The following MCF2L2 variants were observed in gnomAD, a reference collection of about 807,000 sequenced individuals.
The protein encoded by MCF2L2 is MCF.2 cell line derived transforming sequence-like 2.
MCF2L2 carries 102 observed loss-of-function variants against 150.2 expected under a neutral mutation model. That is an observed-to-expected ratio of 0.68 (90% CI 0.58 to 0.80). The LOEUF (loss-of-function observed/expected upper bound fraction) is 0.80, where lower values mean the gene tolerates loss of function less well. Among genes scored for constraint, MCF2L2 ranks in the 30% least tolerant of loss-of-function variants. MCF2L2 has a pLI of 0.00. For missense variants in MCF2L2, 1,256 were observed against 1,372.8 expected, an observed-to-expected ratio of 0.91 and a Z score of 1.34; for synonymous variants, 465 against 491.3, an observed-to-expected ratio of 0.95 and a Z score of 0.71.
Position 183,181,349 on chromosome 3 carries a change from T to C in MCF2L2, c.3017-1190A>G, listed in dbSNP as rs1721513172. On this transcript the variant is annotated intron_variant, in intron 27 of 29. Coordinates refer to ENST00000328913, the MANE Select transcript of MCF2L2 (RefSeq NM_015078.4). The surrounding 1 kb of genome is among the most constrained non-coding windows in gnomAD (Gnocchi z 4.3). ...GGGGGGCAGCTGGGCAGCACCTCCC[T>C]GGAGGCCCCTCTGAAATCCTGCCTG... 6.6e-6 allele frequency among the ~76,000 whole-genome samples: 1 copy of C among 152,010 alleles called. No individual in the cohort carries two copies. Among genetic ancestry groups the C allele is most frequent in the Non-Finnish European group, 1.5e-5 (1 of 67,986 alleles).
Position 183,379,424 on chromosome 3 carries a change from C to T in MCF2L2, c.161-13G>A, listed in dbSNP as rs2108587072. 1 of 1,593,222 alleles carries T rather than the reference C, an allele frequency of 6.3e-7. No individual in the cohort carries two copies. Among genetic ancestry groups the T allele is most frequent in the Non-Finnish European group, 8.6e-7 (1 of 1,164,032 alleles). On this transcript the variant is annotated splice_polypyrimidine_tract_variant and intron_variant, in intron 2 of 29. Coordinates refer to ENST00000328913, the MANE Select transcript of MCF2L2 (RefSeq NM_015078.4). ...TCCCCTCGGCCTCCTGCAACAAAAACAGGTGGTCAAAATGTTAGCAAAATG... is the reference window on the plus strand; with the variant it reads ...TCCCCTCGGCCTCCTGCAACAAAAATAGGTGGTCAAAATGTTAGCAAAATG...
At chr3:183,409,238 T>C (rs1204497551) in intron 1 of MCF2L2, among the ~76,000 whole-genome samples, 1 of 151,596 alleles carries the variant, frequency 6.6e-6, no homozygotes, top group African/African-American at 2.4e-5. Context: ...CATTTTCTAT[T>C]TGATTTTTTC....
Position 183,338,885 on chromosome 3 carries a change from A to T in MCF2L2, c.401T>A (p.Ile134Asn), listed in dbSNP as rs1434307844. ...AFPGNLQLIF[I>N]LRPSRFIQRT... ...CTGGATAAAGCGAGATGGACGAAGGATGAATATGAGCTGTAAGTTTCCTGG... is the reference window on the plus strand; with the variant it reads ...CTGGATAAAGCGAGATGGACGAAGGTTGAATATGAGCTGTAAGTTTCCTGG... Residue 134 changes from isoleucine (I) to asparagine (N), a missense_variant, in exon 5 of 30, where the codon ATC becomes AAC. Transcript: ENST00000328913. 6.2e-7 allele frequency: 1 copy of T among 1,607,554 alleles called. No individual in the cohort carries two copies. Among genetic ancestry groups the T allele is most frequent in the South Asian group, 1.1e-5 (1 of 90,500 alleles).
At position 183,396,857 on chromosome 3, in the gene MCF2L2, A is replaced by G. The variant is rs112952677; in HGVS notation, c.77-7078T>C. Among the ~76,000 whole-genome samples, 361 of 152,302 alleles carry G rather than the reference A, an allele frequency of 2.4e-3. 2 individuals are homozygous for G. Among genetic ancestry groups the G allele is most frequent in the Middle Eastern group, 3.4e-3 (1 of 294 alleles). On this transcript the variant is annotated intron_variant, in intron 1 of 29. Transcript: ENST00000328913. ...GAAACATGGAGAAAACCATGTGAAG[A>G]TGGAGACAGATATCTGAATGATGCA...
intron 22 of MCF2L2, among the ~76,000 whole-genome samples, chr3:183,209,440 G>C (rs1409255064): frequency 6.6e-6 from 1 of 152,124 alleles, no homozygotes; most frequent in East Asian, 1.9e-4. Flanking sequence ...CATGTGATGG[G>C]TGGCAGTCAA....
chr3:183,351,232 A>ATATATATATATT (rs1731124836), intron 3 of MCF2L2, among the ~76,000 whole-genome samples: 1 of 82,842 alleles, frequency 1.2e-5, no homozygotes, highest in Non-Finnish European at 2.1e-5. Context: ...ATATATATAT[A>ATATATATATATT]TATATTTATT....
At position 183,292,882 on chromosome 3, in the gene MCF2L2, T is replaced by C. The variant is rs181314902; in HGVS notation, c.1675+2418A>G. On this transcript the variant is annotated intron_variant, in intron 13 of 29. Transcript: ENST00000328913. ...ACAAAGAGATATGATAACAAGCCAA[T>C]AGAGGAATTAAAACAAAATATTAAA... is the stretch of plus-strand genomic sequence containing the variant. 4.9e-4 allele frequency among the ~76,000 whole-genome samples: 74 copies of C among 151,634 alleles called. 1 individual carries two copies. In the East Asian group the frequency reaches 0.013, roughly 27 times the overall value.
At position 183,283,478 on chromosome 3, in the gene MCF2L2, T is replaced by C. The variant is rs73066015; in HGVS notation, c.1776+5642A>G. Among the ~76,000 whole-genome samples the C allele has an allele frequency of 7.1e-3, 1,074 of 152,188 alleles. 18 individuals carry two copies. The highest frequency in any genetic ancestry group is 0.024 in the African/African-American group (991 of 41,520). ...TCTGAGATGTTATACCCTTCCTCAT[T>C]CTGGAATGCCCTTCAGTGTCTTACC... On this transcript the variant is annotated intron_variant, in intron 14 of 29. Transcript: ENST00000328913. This position sits in a 1 kb window ranked among gnomAD's most constrained non-coding sequence, Gnocchi z 4.2.
intron 3 of MCF2L2, among the ~76,000 whole-genome samples, chr3:183,369,209 C>T (rs1021669686): frequency 1.3e-5 from 2 of 152,184 alleles, no homozygotes; most frequent in Admixed American, 6.5e-5. Context: ...CAGTCTTACA[C>T]GCCTCGTTAT....
chr3:183,311,524 T>C (rs753769392), intron 8 of MCF2L2, 124 bp downstream of exon 8: 32 of 1,078,220 alleles, frequency 3.0e-5, no homozygotes, highest in Non-Finnish European at 3.9e-5. Flanking sequence ...TTGTCTCAAA[T>C]ATTCTTCTTC....
intron 15 of MCF2L2, chr3:183,273,136 CT>C: frequency 2.8e-6 from 2 of 722,968 alleles, no homozygotes; most frequent in African/African-American, 3.7e-5. Flanking sequence ...GTAGGGCTAT[CT>C]TTTTAAAAAA....
intron 3 of MCF2L2, among the ~76,000 whole-genome samples, chr3:183,352,536 G>A (rs1262069527): frequency 6.6e-6 from 1 of 152,080 alleles, no homozygotes; most frequent in South Asian, 2.1e-4. Flanking sequence ...AAAAAAGAAC[G>A]GACTAAAGGC....
chr3:183,384,563 A>C (rs897137481), intron 2 of MCF2L2, among the ~76,000 whole-genome samples: 1 of 151,880 alleles, frequency 6.6e-6, no homozygotes, highest in Non-Finnish European at 1.5e-5. Context: ...GACTAAGCAC[A>C]AGAAGACAGG....
At chr3:183,207,871 A>G in intron 22 of MCF2L2, 48 bp from the exon 23 acceptor site, 1 of 1,435,580 alleles carries the variant, frequency 7.0e-7, no homozygotes, top group Non-Finnish European at 9.7e-7. Flanking sequence ...ATTACTTGAC[A>G]GAGAAAGAAG....
Position 183,315,754 on chromosome 3 carries a change from A to G in MCF2L2, c.753+2314T>C, listed in dbSNP as rs567319426. On this transcript the variant is annotated intron_variant, in intron 7 of 29. Transcript: ENST00000328913. ...TGCCTGTGTAGAGAAACTATAGAAC[A>G]CCCACTCATCTGCCTTCCCTGTCCC... Among the ~76,000 whole-genome samples the G allele has an allele frequency of 5.3e-5, 8 of 152,034 alleles. No homozygotes were observed. In the South Asian group the frequency reaches 1.5e-3, roughly 28 times the overall value.
chr3:183,231,018 CT>C lies in MCF2L2; in HGVS notation c.1863-2del. On this transcript the variant is annotated splice_acceptor_variant, in intron 15 of 29. Transcript: ENST00000328913. LOFTEE classifies it high-confidence loss of function. ...CTCAAGCAAGTCACGTATAATGCGC[CT>C]GAATCACAGCAGCAGGTGGGAGGGT... 1 of 1,612,382 alleles carries C rather than the reference CT, an allele frequency of 6.2e-7. No homozygotes were observed. The highest frequency in any genetic ancestry group is 8.5e-7 in the Non-Finnish European group (1 of 1,178,762).
intron 13 of MCF2L2, among the ~76,000 whole-genome samples, chr3:183,294,633 A>ATTTTT (rs754395602): frequency 4.6e-5 from 6 of 129,862 alleles, no homozygotes; most frequent in Admixed American, 8.0e-5. Flanking sequence ...ATATATATAT[A>ATTTTT]TTTTTTTTTT....
At chr3:183,361,117 G>GAA (rs1169922194) in intron 3 of MCF2L2, among the ~76,000 whole-genome samples, 1 of 83,342 alleles carries the variant, frequency 1.2e-5, no homozygotes, top group Non-Finnish European at 2.0e-5. Context: ...AAAGAAAAAA[G>GAA]AAAAAGAAAA....
intron 5 of MCF2L2, among the ~76,000 whole-genome samples, chr3:183,334,172 C>A (rs569092852): frequency 6.6e-6 from 1 of 152,224 alleles, no homozygotes; most frequent in East Asian, 1.9e-4. Flanking sequence ...AAAATACCAA[C>A]TTCTGATTAG....
Sources: allele counts gnomAD v4.1 joint callset (sites outside exome capture counted in the v4.1 genomes callset), GRCh38; gene constraint gnomAD v4.1.1; non-coding constraint Gnocchi (gnomAD v3.1); transcripts MANE v1.5; gene names NCBI Gene and HGNC (gene_info 2026-07-23, HGNC 2026-07-21).